The following EYS variants were observed in gnomAD, a reference collection of about 807,000 sequenced individuals.
The protein encoded by EYS is EGF-like photoreceptor maintenance factor.
Under a neutral mutation model 282.1 loss-of-function variants are expected in EYS, and 250 were observed. The ratio of observed to expected loss-of-function variants is 0.89; its 90% CI spans 0.80 to 0.98. The LOEUF is 0.98. Ranked by LOEUF, EYS falls within the 50% of genes least tolerant of loss-of-function variation. EYS has a pLI of 0.00. For missense variants in EYS, 4,016 were observed against 3,709.0 expected, an observed-to-expected ratio of 1.08 and a Z score of -2.15; for synonymous variants, 1,355 against 1,282.9, an observed-to-expected ratio of 1.06 and a Z score of -1.20.
intron 41 of EYS, among the ~76,000 whole-genome samples, chr6:63,737,573 G>T (rs1203008394): frequency 1.3e-5 from 2 of 151,700 alleles, no homozygotes; most frequent in Non-Finnish European, 2.9e-5. Context: ...TCCCTGCCCG[G>T]CTTTGGTATC....
chr6:64,206,282 A>G (rs1045820980), intron 31 of EYS, among the ~76,000 whole-genome samples: 4 of 152,214 alleles, frequency 2.6e-5, no homozygotes, highest in Non-Finnish European at 5.9e-5. Flanking sequence ...CAGTATTTAT[A>G]CCACATTTGA....
intron 35 of EYS, among the ~76,000 whole-genome samples, chr6:63,895,496 T>C (rs976125051): frequency 6.6e-6 from 1 of 152,228 alleles, no homozygotes; most frequent in Non-Finnish European, 1.5e-5. Context: ...GCAATAACTT[T>C]AGATCATAAG....
At chr6:65,212,980 G>A (rs1048194414) in intron 12 of EYS, among the ~76,000 whole-genome samples, 1 of 151,814 alleles carries the variant, frequency 6.6e-6, no homozygotes, top group African/African-American at 2.4e-5. Flanking sequence ...ATATAAAATC[G>A]ATCGATGTTC....
At chr6:65,500,241 G>T (rs549462516) in intron 2 of EYS, among the ~76,000 whole-genome samples, 1 of 152,052 alleles carries the variant, frequency 6.6e-6, no homozygotes, top group African/African-American at 2.4e-5. Flanking sequence ...TTGCCAATAA[G>T]GCATAGGATT....
intron 2 of EYS, 124 bp downstream of exon 2, chr6:65,639,654 G>A (rs1043185578): frequency 2.6e-5 from 4 of 152,106 alleles, no homozygotes; most frequent in African/African-American, 9.7e-5. Flanking sequence ...ATTCTCTAGA[G>A]TAGGATGTTA....
intron 11 of EYS, among the ~76,000 whole-genome samples, chr6:65,312,814 G>A (rs1182572166): frequency 2.6e-5 from 4 of 152,018 alleles, no homozygotes; most frequent in East Asian, 1.9e-4. Flanking sequence ...CCTTTCCACT[G>A]GGAGATACCT....
chr6:64,864,454 C>G (rs1212025397), intron 19 of EYS, among the ~76,000 whole-genome samples: 1 of 136,472 alleles, frequency 7.3e-6, no homozygotes, highest in Non-Finnish European at 1.5e-5. Context: ...GGTGCAATCT[C>G]GGCTCACTGC....
intron 31 of EYS, among the ~76,000 whole-genome samples, chr6:64,149,817 C>T (rs966984436): frequency 2.6e-5 from 4 of 152,210 alleles, no homozygotes; most frequent in Non-Finnish European, 5.9e-5. Flanking sequence ...CCTCACAGAT[C>T]ACCTTGTCTC....
chr6:65,687,931 G>A (rs576620526), intron 1 of EYS, among the ~76,000 whole-genome samples: 1 of 152,278 alleles, frequency 6.6e-6, no homozygotes, highest in African/African-American at 2.4e-5. Flanking sequence ...TGAAATAAAA[G>A]AGGATACAAA....
chr6:63,965,339 C>G (rs1243077147), intron 35 of EYS, among the ~76,000 whole-genome samples: 2 of 152,136 alleles, frequency 1.3e-5, no homozygotes, highest in Non-Finnish European at 2.9e-5. Context: ...TCGTGTGATC[C>G]CACTGTGTCC....
At chr6:64,390,814 T>C (rs1773102803) in intron 28 of EYS, among the ~76,000 whole-genome samples, 2 of 146,006 alleles carry the variant, frequency 1.4e-5, no homozygotes, top group Admixed American at 1.4e-4. Context: ...CTTCAGACGA[T>C]CAAATTACTC....
At chr6:64,588,953 A>G (rs1766314431) in intron 26 of EYS, among the ~76,000 whole-genome samples, 1 of 152,062 alleles carries the variant, frequency 6.6e-6, no homozygotes. Flanking sequence ...ATTATGTTTA[A>G]AAAGACCAAA....
chr6:64,481,501 A>G (rs959052581), intron 26 of EYS, among the ~76,000 whole-genome samples: 1 of 144,622 alleles, frequency 6.9e-6, no homozygotes, highest in African/African-American at 2.5e-5. Context: ...AAAGCAAAAA[A>G]AATTATTTTT....
rs1237210687 is a variant in EYS at position 64,733,716 on chromosome 6, T to C, written c.3443+79662A>G. 4 of 160,616 alleles carry C rather than the reference T, an allele frequency of 2.5e-5. No homozygotes were observed. The East Asian group carries it at 6.9e-4, about 28-fold the overall frequency. 9.9% of individuals were successfully genotyped at this position (160,616 alleles called of 1,614,324 possible). On this transcript the variant is annotated intron_variant, in intron 22 of 42. Coordinates refer to ENST00000503581, the MANE Select transcript of EYS (RefSeq NM_001142800.2). Reference sequence around the variant, plus strand: ...CAAGAGACTCATAATGGGCTTAGAATCATAGCGCTGCAGCAGGTCTCCTGG... The same window carrying C: ...CAAGAGACTCATAATGGGCTTAGAACCATAGCGCTGCAGCAGGTCTCCTGG...
intron 30 of EYS, among the ~76,000 whole-genome samples, chr6:64,292,331 A>G (rs1768743948): frequency 6.6e-6 from 1 of 152,188 alleles, no homozygotes; most frequent in Non-Finnish European, 1.5e-5. Flanking sequence ...TTAGATTGTG[A>G]AATACATTTG....
At chr6:65,043,229 T>C (rs2150150313) in intron 13 of EYS, among the ~76,000 whole-genome samples, 1 of 151,748 alleles carries the variant, frequency 6.6e-6, no homozygotes, top group East Asian at 1.9e-4. Context: ...ATTTGAAAGT[T>C]ACTCTTATTT....
intron 5 of EYS, among the ~76,000 whole-genome samples, chr6:65,406,542 A>T (rs938443686): frequency 1.3e-5 from 2 of 152,040 alleles, no homozygotes; most frequent in African/African-American, 4.8e-5. Flanking sequence ...TATATTTTAT[A>T]ATTTTAGCTC....
chr6:64,557,602 T>C (rs1765271796), intron 26 of EYS, among the ~76,000 whole-genome samples: 1 of 151,990 alleles, frequency 6.6e-6, no homozygotes, highest in African/African-American at 2.4e-5. Context: ...GAGCAAATTA[T>C]AATCACCTTC....
chr6:64,337,580 C>T (rs1030205155), intron 29 of EYS, among the ~76,000 whole-genome samples: 1 of 151,788 alleles, frequency 6.6e-6, no homozygotes, highest in South Asian at 2.1e-4. Flanking sequence ...ATCCTTTTAA[C>T]ATTATTCCAC....
Sources: gnomAD v4.1 joint callset for allele counts (sites outside exome capture counted in the v4.1 genomes callset) on GRCh38, gnomAD v4.1.1 for gene constraint, MANE v1.5 for transcripts, NCBI Gene and HGNC (gene_info 2026-07-23, HGNC 2026-07-21) for gene names.